Variants in SH3YL1 observed in about 807,000 individuals in gnomAD.
SH3YL1 encodes SH3 domain-containing YSC84-like protein 1.
In SH3YL1, 41 loss-of-function variants were observed where a neutral mutation model predicts 45.8. That is an observed-to-expected ratio of 0.89 (90% CI 0.70 to 1.16). The LOEUF is 1.16. Ranked by LOEUF, SH3YL1 falls within the 50% of genes most tolerant of loss-of-function variation. The pLI is 0.00. For synonymous variants in SH3YL1, 152 were observed against 151.4 expected, an observed-to-expected ratio of 1.00 and a Z score of -0.03; for missense variants, 389 against 409.6, an observed-to-expected ratio of 0.95 and a Z score of 0.43.
rs201360624 is a variant in SH3YL1 at position 257,054 on chromosome 2, CTTA to C, written c.2-3942_2-3940del. Among the ~76,000 whole-genome samples, 67 of 151,996 alleles carry C rather than the reference CTTA, an allele frequency of 4.4e-4. 1 individual carries two copies. In the East Asian group the frequency reaches 5.8e-3, roughly 13 times the overall value. On this transcript the variant is annotated intron_variant, in intron 1 of 9. Transcript: ENST00000356150. ...ATCTTTTGTCCACGTCCTTTAACCA[CTTA>C]TTATTATTATTATACTTTAACGGAG...
chr2:234,304 C>A (rs144102049), intron 4 of SH3YL1, 32 bp from the exon 5 acceptor site: 4 of 1,514,244 alleles, frequency 2.6e-6, no homozygotes, highest in African/African-American at 1.4e-5. Flanking sequence ...ATTTAAAAAT[C>A]GTTAAGACTA....
chr2:245,851 T>C (rs1251725987), intron 4 of SH3YL1, among the ~76,000 whole-genome samples: 1 of 152,086 alleles, frequency 6.6e-6, no homozygotes, highest in African/African-American at 2.4e-5. Context: ...CAATAAACTA[T>C]TGAATCATCA....
intron 1 of SH3YL1, chr2:255,892 G>C (rs1236972152): frequency 6.6e-6 from 1 of 152,210 alleles, no homozygotes; most frequent in Non-Finnish European, 1.5e-5. Context: ...TTGGCATGTT[G>C]CATTTTTTAA....
chr2:242,008 A>G (rs1668567174), intron 4 of SH3YL1: 1 of 152,144 alleles, frequency 6.6e-6, no homozygotes. Context: ...CATAAATAAT[A>G]GTATAAATGC....
At chr2:220,802 A>G (rs1165360374) in intron 9 of SH3YL1, among the ~76,000 whole-genome samples, 3 of 152,252 alleles carry the variant, frequency 2.0e-5, no homozygotes, top group Non-Finnish European at 4.4e-5. Context: ...AACCTCCAGG[A>G]ACTCTGTTCT....
intron 8 of SH3YL1, among the ~76,000 whole-genome samples, chr2:227,502 G>T (rs770858022): frequency 2.6e-5 from 4 of 152,056 alleles, no homozygotes; most frequent in Non-Finnish European, 5.9e-5. Context: ...GAAGCAAACA[G>T]AACTATACCA....
intron 4 of SH3YL1, among the ~76,000 whole-genome samples, chr2:243,941 C>A (rs1253136096): frequency 1.3e-5 from 2 of 152,134 alleles, no homozygotes; most frequent in African/African-American, 4.8e-5. Context: ...ACCTGTGAAA[C>A]CAAGAACAAG....
intron 4 of SH3YL1, among the ~76,000 whole-genome samples, chr2:237,094 T>C (rs1375656384): frequency 6.6e-6 from 1 of 150,650 alleles, no homozygotes; most frequent in Non-Finnish European, 1.5e-5. Context: ...GTATCTTGTA[T>C]GTATTTTTAG....
At chr2:251,760 G>A (rs1440575704) in intron 2 of SH3YL1, among the ~76,000 whole-genome samples, 3 of 152,106 alleles carry the variant, frequency 2.0e-5, no homozygotes, top group African/African-American at 7.2e-5. Context: ...AACAAGCACC[G>A]TTTCCTCAAG....
intron 4 of SH3YL1, 28 bp from the exon 5 acceptor site, chr2:234,300 A>C (rs1237505762): frequency 6.4e-7 from 1 of 1,556,180 alleles, no homozygotes; most frequent in Non-Finnish European, 8.8e-7. Context: ...ATGGATTTAA[A>C]AATCGTTAAG....
intron 4 of SH3YL1, among the ~76,000 whole-genome samples, chr2:245,720 A>G (rs555096928): frequency 6.6e-6 from 1 of 152,254 alleles, no homozygotes; most frequent in African/African-American, 2.4e-5. Context: ...GTTTGAGAGG[A>G]GAAGATTGAT....
chr2:222,270 C>T (rs916644290), intron 9 of SH3YL1: 33 of 152,278 alleles, frequency 2.2e-4, no homozygotes, highest in African/African-American at 7.2e-4. Context: ...GGCAGCTGCC[C>T]TGAGGCCCAT....
At chr2:220,188 C>CAATAAT (rs3976788) in intron 9 of SH3YL1, among the ~76,000 whole-genome samples, 11,594 of 144,458 alleles carry the variant, frequency 0.08, 635 homozygotes, top group Admixed American at 0.2. Flanking sequence ...ACCCATAATA[C>CAATAAT]AATAATAATA....
In SH3YL1 at chr2:249,748, G is replaced by A. The variant is rs377095701; in HGVS notation, c.209C>T (p.Ala70Val). The change falls in exon 3 of 10, where the codon GCG (alanine) becomes GTG (valine). Residue 70 changes from alanine to valine, a missense_variant. By Grantham distance (64) the Ala-to-Val change is moderately conservative (BLOSUM62 0). Transcript: ENST00000356150. The part of the protein sequence containing the change: ...TARGGSGIVV[A>V]RLPDGKWSAP... ...CAACTTACTTCCATCTGGAAGGCGC[G>A]CCACTACAATCCCGCTGCCTCCTCT... 2.6e-5 allele frequency: 41 copies of A among 1,551,350 alleles called. No homozygotes were observed. Among genetic ancestry groups the A allele is most frequent in the Non-Finnish European group, 3.1e-5 (35 of 1,146,770 alleles).
chr2:245,439 G>A (rs1342325227), intron 4 of SH3YL1, among the ~76,000 whole-genome samples: 1 of 152,144 alleles, frequency 6.6e-6, no homozygotes, highest in Non-Finnish European at 1.5e-5. Flanking sequence ...AGATGAAGAA[G>A]ATATTAAAAA....
chr2:263,873 G>C lies in SH3YL1; in HGVS notation c.1+111C>G, dbSNP rs541878269. 3.3e-6 allele frequency: 3 copies of C among 910,662 alleles called. No homozygotes were observed. The East Asian group carries it at 9.0e-5, about 27-fold the overall frequency. The allele number at this position is 910,662 out of a possible 1,614,324, so 56.4% of individuals were successfully genotyped here. On this transcript the variant is annotated intron_variant, in intron 1 of 9. Transcript: ENST00000356150. The stretch of plus-strand genomic sequence containing the variant: ...GGCGGTTTGCGGTTAACAGACGCGC[G>C]ACCTAGAAACCCCAGAGGCATCGCC...
chr2:224,349 T>C (rs1228479473), intron 9 of SH3YL1, among the ~76,000 whole-genome samples: 1 of 152,146 alleles, frequency 6.6e-6, no homozygotes, highest in African/African-American at 2.4e-5. Context: ...ATGTGAAAAA[T>C]AAAATTCTTA....
Position 234,227 on chromosome 2 carries a change from CT to C in SH3YL1, c.336del (p.Ala113LeufsTer8). ...GTCAGATTTCCGCCTTTTGCAAAAG[CT>C]TCTACAGCACGGTCATAATTCAGAA... ...VIILNYDRAV[E>X]AFAKGGNLTL... On this transcript the variant is annotated frameshift_variant, in exon 5 of 10. Transcript: ENST00000356150. LOFTEE classifies it high-confidence loss of function. The C allele has an allele frequency of 6.2e-7, 1 of 1,614,134 alleles. No individual in the cohort carries two copies.
intron 8 of SH3YL1, 172 bp downstream of exon 8, chr2:229,794 C>A: frequency 4.6e-6 from 2 of 434,148 alleles, no homozygotes; most frequent in South Asian, 4.7e-5. Context: ...TAAATTATAG[C>A]AATGACAATT....
Sources: allele counts gnomAD v4.1 joint callset (sites outside exome capture counted in the v4.1 genomes callset), GRCh38; gene constraint gnomAD v4.1.1; transcripts MANE v1.5; gene names NCBI Gene and HGNC (gene_info 2026-07-23, HGNC 2026-07-21).